Variants in CDKL2 observed in about 807,000 individuals in gnomAD.
CDKL2 encodes the protein cyclin dependent kinase like 2, also known as cyclin-dependent kinase-like 2.
In CDKL2, 64 loss-of-function variants were observed where a neutral mutation model predicts 63.9. The ratio of observed to expected loss-of-function variants is 1.00; its 90% CI spans 0.82 to 1.23. CDKL2 has a LOEUF of 1.23. Ranked by LOEUF, CDKL2 falls within the 50% of genes most tolerant of loss-of-function variation. The probability of loss-of-function intolerance (pLI) is 0.00; values close to 1 mark genes in which losing one functional copy is unlikely to be tolerated. For synonymous variants in CDKL2, 211 were observed against 229.2 expected (o/e 0.92, Z 0.72); for missense variants, 656 against 668.0 (o/e 0.98, Z 0.20).
chr4:75,618,842 C>A (rs1279250171), intron 2 of CDKL2, among the ~76,000 whole-genome samples: 2 of 152,128 alleles, frequency 1.3e-5, no homozygotes, highest in African/African-American at 2.4e-5. Context: ...AAAACTACAT[C>A]CTCCAGAGTG....
At chr4:75,594,977 G>A (rs1728853702) in intron 10 of CDKL2, among the ~76,000 whole-genome samples, 1 of 152,048 alleles carries the variant, frequency 6.6e-6, no homozygotes, top group South Asian at 2.1e-4. Flanking sequence ...AGAATGATGA[G>A]GGTTTCACCT....
At chr4:75,583,054 ATTTTCAGGCTGAAGG>A (rs1420886962) in intron 12 of CDKL2, among the ~76,000 whole-genome samples, 1 of 152,232 alleles carries the variant, frequency 6.6e-6, no homozygotes, top group Non-Finnish European at 1.5e-5. Context: ...TAACAAGAAG[ATTTTCAGGCTGAAGG>A]AAAATAATAC....
chr4:75,625,064 C>T (rs1280597172), intron 2 of CDKL2, among the ~76,000 whole-genome samples: 1 of 152,074 alleles, frequency 6.6e-6, no homozygotes, highest in Non-Finnish European at 1.5e-5. Context: ...TATTTCTTCT[C>T]AGTGTTGGAT....
rs1297914975 is a variant in CDKL2, at chr4:75,618,100, C to CAA, written c.169-3653_169-3652dup. Among the ~76,000 whole-genome samples, 426 of 73,666 alleles carry CAA rather than the reference C, an allele frequency of 5.8e-3. 12 individuals are homozygous for CAA. Among genetic ancestry groups the CAA allele is most frequent in the African/African-American group, 0.013 (227 of 17,220 alleles). The allele number at this position is 73,666 out of a possible 152,430, so 48.3% of individuals were successfully genotyped here. On this transcript the variant is annotated intron_variant, in intron 2 of 13. Transcript: ENST00000307465. ...TGGGCAACAGAGCGAGACTCTGTCTCAAAAAAAAAAAAAAAAAAAGCACAG... is the reference window on the plus strand; with the variant it reads ...TGGGCAACAGAGCGAGACTCTGTCTCAAAAAAAAAAAAAAAAAAAAAGCACAG...
intron 7 of CDKL2, 33 bp downstream of exon 7, chr4:75,600,248 G>T: frequency 1.4e-6 from 2 of 1,384,468 alleles, no homozygotes; most frequent in Non-Finnish European, 2.0e-6. Flanking sequence ...CCCTAGGTTG[G>T]TATGGCCTGA....
rs377040446 is a variant in CDKL2 at position 75,587,712 on chromosome 4, G to A, written c.1647+4107C>T. Reference sequence around the variant, plus strand: ...AGATCAGGAGATCAAGACCATCCTGGCTAACACGGTGAAACCCCATCTCTA... The same window carrying A: ...AGATCAGGAGATCAAGACCATCCTGACTAACACGGTGAAACCCCATCTCTA... On this transcript the variant is annotated intron_variant, in intron 12 of 13. Coordinates refer to ENST00000307465, the MANE Select transcript of CDKL2 (RefSeq NM_001330724.2). Among the ~76,000 whole-genome samples the A allele has an allele frequency of 8.1e-4, 122 of 149,794 alleles. 1 individual carries two copies. In the South Asian group the frequency reaches 0.026, roughly 31 times the overall value.
chr4:75,607,889 T>G (rs947255822), intron 3 of CDKL2, among the ~76,000 whole-genome samples: 13 of 152,122 alleles, frequency 8.5e-5, no homozygotes, highest in Admixed American at 1.3e-4. Flanking sequence ...CTCGGCTCAC[T>G]GCAAGCTCCA....
chr4:75,583,109 C>T (rs752149473), intron 12 of CDKL2, among the ~76,000 whole-genome samples: 17 of 152,082 alleles, frequency 1.1e-4, no homozygotes, highest in East Asian at 5.8e-4. Context: ...GAAGAGAGAC[C>T]GACAGAAATG....
intron 3 of CDKL2, among the ~76,000 whole-genome samples, 197 bp downstream of exon 3, chr4:75,614,058 G>GA (rs1729818057): frequency 6.6e-6 from 1 of 151,682 alleles, no homozygotes; most frequent in Non-Finnish European, 1.5e-5. Flanking sequence ...CTCTGTCTCG[G>GA]AAAAAAACAA....
chr4:75,585,143 G>A (rs549585555), intron 12 of CDKL2, among the ~76,000 whole-genome samples: 1 of 152,222 alleles, frequency 6.6e-6, no homozygotes, highest in South Asian at 2.1e-4. Flanking sequence ...GTTTGGAATG[G>A]CTATTTTAAT....
chr4:75,607,844 G>T (rs7662624), intron 3 of CDKL2, among the ~76,000 whole-genome samples: 37,704 of 151,978 alleles, frequency 0.25, 4,969 homozygotes, highest in Middle Eastern at 0.36. Context: ...ACGGAGTCTC[G>T]CTCTGTCACC....
chr4:75,621,513 G>GA (rs1305883533), intron 2 of CDKL2, among the ~76,000 whole-genome samples: 1 of 151,698 alleles, frequency 6.6e-6, no homozygotes, highest in Non-Finnish European at 1.5e-5. Context: ...TATATCCTGA[G>GA]AAAACGGCCT....
intron 12 of CDKL2, among the ~76,000 whole-genome samples, chr4:75,583,649 C>A (rs960803190): frequency 6.4e-5 from 9 of 141,312 alleles, no homozygotes; most frequent in Non-Finnish European, 1.3e-4. Flanking sequence ...TTTGCCAAAG[C>A]GGTGGAAGCC....
Position 75,581,889 on chromosome 4 carries a change from G to T in CDKL2, c.1657C>A (p.Pro553Thr). The change falls in exon 13 of 14, where the codon CCT becomes ACT. Residue 553 changes from proline to threonine, a missense_variant. Transcript: ENST00000307465. The part of the protein sequence containing the change: ...PSITLHQVSG[P>T]PLSDDSGADL... ...GCCCCTGAATCATCTGACAGGGGAG[G>T]TCCTGATACCTATAAATTAATAATA... 6.2e-7 allele frequency: 1 copy of T among 1,609,420 alleles called. No homozygotes were observed. Among genetic ancestry groups the T allele is most frequent in the Non-Finnish European group, 8.5e-7 (1 of 1,176,184 alleles).
rs953629496 is a variant in CDKL2, at chr4:75,577,681, C to A, written c.*1521G>T. ...AAAGTAGTAACTTTTTAATATGCAG[C>A]CTATTAATGCTGATACCCTAGTTTT... On this transcript the variant is annotated 3_prime_UTR_variant, in exon 14 of 14. Transcript: ENST00000307465. 6.6e-6 allele frequency among the ~76,000 whole-genome samples: 1 copy of A among 152,110 alleles called. No homozygotes were observed. The highest frequency in any genetic ancestry group is 1.5e-5 in the Non-Finnish European group (1 of 68,016).
rs1728149757 is a variant in CDKL2 at position 75,579,171 on chromosome 4, A to G, written c.*31T>C. ...AAGAAGATGTCATCTCAAGTGCAAG[A>G]GCATCATCTAAAAGCACAGGAGGAT... is the stretch of plus-strand genomic sequence containing the variant. On this transcript the variant is annotated 3_prime_UTR_variant, in exon 14 of 14. Coordinates refer to ENST00000307465, the MANE Select transcript of CDKL2 (RefSeq NM_001330724.2). 1 of 152,248 alleles carries G rather than the reference A, an allele frequency of 6.6e-6. No individual in the cohort carries two copies. Among genetic ancestry groups the G allele is most frequent in the Admixed American group, 6.5e-5 (1 of 15,276 alleles). 9.4% of individuals were successfully genotyped at this position (152,248 alleles called of 1,614,324 possible). A position where few individuals can be genotyped will look rare whatever the true frequency, so the allele number is the denominator to read the frequency against.
intron 6 of CDKL2, among the ~76,000 whole-genome samples, 159 bp downstream of exon 6, chr4:75,603,658 T>C (rs1729296417): frequency 7.4e-6 from 1 of 134,816 alleles, no homozygotes; most frequent in South Asian, 2.3e-4. Context: ...AAGCTTGCAG[T>C]GAGCCGAGAT....
At chr4:75,624,015 T>A (rs1260622751) in intron 2 of CDKL2, among the ~76,000 whole-genome samples, 2 of 151,172 alleles carry the variant, frequency 1.3e-5, no homozygotes, top group African/African-American at 2.4e-5. Context: ...GCGCCTATAG[T>A]ACCAGCTACT....
intron 13 of CDKL2, among the ~76,000 whole-genome samples, chr4:75,580,135 G>A (rs915172602): frequency 1.3e-5 from 2 of 151,938 alleles, no homozygotes; most frequent in African/African-American, 4.8e-5. Flanking sequence ...AGCTGGGCGT[G>A]GTGGCACACA....
Sources: allele counts gnomAD v4.1 joint callset (sites outside exome capture counted in the v4.1 genomes callset), GRCh38; gene constraint gnomAD v4.1.1; transcripts MANE v1.5; gene names NCBI Gene and HGNC (gene_info 2026-07-23, HGNC 2026-07-21).